MYO16: variants seen among roughly 807,000 people sequenced by gnomAD.
The protein encoded by MYO16 is myosin XVI.
In MYO16, 94 loss-of-function variants were observed where a neutral mutation model predicts 205.3. The observed-to-expected ratio is 0.46, with a 90% confidence interval of 0.39 to 0.54. The LOEUF is 0.54. MYO16 is among the 20% of genes least tolerant of loss of function. The pLI, the probability that MYO16 is intolerant of heterozygous loss-of-function variation, is 0.00. For synonymous variants in MYO16, 988 were observed against 954.0 expected (o/e 1.04, Z -0.66); for missense variants, 2,315 against 2,387.5 (o/e 0.97, Z 0.63).
chr13:109,083,550 T>G (rs1489758731), intron 27 of MYO16, among the ~76,000 whole-genome samples: 1 of 151,856 alleles, frequency 6.6e-6, no homozygotes, highest in Non-Finnish European at 1.5e-5. Flanking sequence ...TGAATGATAG[T>G]CAAGAACTTA....
At chr13:109,108,575 T>A in intron 28 of MYO16, among the ~76,000 whole-genome samples, 1 of 152,202 alleles carries the variant, frequency 6.6e-6, no homozygotes, top group East Asian at 1.9e-4. Flanking sequence ...ACCATATGAG[T>A]TCCCCCAAAT....
At chr13:108,628,332 G>A (rs568744142), upstream of MYO16, among the ~76,000 whole-genome samples, 138 of 152,240 alleles carry the variant, frequency 9.1e-4, 1 homozygote, top group African/African-American at 2.9e-3. Context: ...AAGTTAAAGC[G>A]TCCATAATCA....
the MYO16 span, among the ~76,000 whole-genome samples, chr13:108,562,426 G>A: frequency 1.3e-5 from 2 of 152,124 alleles, no homozygotes; most frequent in Admixed American, 6.5e-5. Context: ...AGAAAATGTA[G>A]GAAGAGTAGA....
chr13:108,619,145 C>G (rs1420356731), intron 1 of MYO16, among the ~76,000 whole-genome samples: 1 of 152,132 alleles, frequency 6.6e-6, no homozygotes, highest in Non-Finnish European at 1.5e-5. Context: ...CCACAACCAT[C>G]GCACTACAAC....
chr13:108,883,676 C>T (rs1879724746), intron 13 of MYO16, among the ~76,000 whole-genome samples: 1 of 151,500 alleles, frequency 6.6e-6, no homozygotes, highest in Admixed American at 6.6e-5. Context: ...GCTCTGTCAC[C>T]CAGGCTGGAA....
intron 20 of MYO16, among the ~76,000 whole-genome samples, chr13:108,973,591 G>A (rs1884136222): frequency 6.6e-6 from 1 of 152,134 alleles, no homozygotes; most frequent in African/African-American, 2.4e-5. Context: ...GAGGTGATCT[G>A]TAGAAGGTGG....
intron 33 of MYO16, chr13:109,167,297 G>A (rs1878713992): frequency 6.6e-6 from 1 of 152,112 alleles, no homozygotes; most frequent in South Asian, 2.1e-4. Context: ...CTAGCACATG[G>A]ATGAAGCCTG....
chr13:109,171,445 T>C (rs1878918543), intron 33 of MYO16, among the ~76,000 whole-genome samples: 1 of 152,252 alleles, frequency 6.6e-6, no homozygotes, highest in South Asian at 2.1e-4. Flanking sequence ...ATTTCTCTTT[T>C]GAATGCCAGT....
At chr13:108,698,725 G>A (rs1013070515) in intron 2 of MYO16, among the ~76,000 whole-genome samples, 4 of 152,170 alleles carry the variant, frequency 2.6e-5, no homozygotes, top group Non-Finnish European at 4.4e-5. Context: ...TACCACAGAA[G>A]CTTTGCTTCT....
chr13:109,141,468 G>A lies in MYO16; in HGVS notation c.5164+92G>A. ...TCCGTGTCTGCGCAGATGTGAAATA[G>A]TAAAGTTTCAGGTGATGGCCGTGGT... On this transcript the variant is annotated intron_variant, in intron 32 of 34. Transcript: ENST00000457511. The surrounding 1 kb of genome is among the most constrained non-coding windows in gnomAD (Gnocchi z 4.1). 2 of 930,082 alleles carry A rather than the reference G, an allele frequency of 2.2e-6. No homozygotes were observed. The highest frequency in any genetic ancestry group is 3.0e-6 in the Non-Finnish European group (2 of 674,904). 57.6% of individuals were successfully genotyped at this position (930,082 alleles called of 1,614,324 possible). A position where few individuals can be genotyped will look rare whatever the true frequency, so the allele number is the denominator to read the frequency against.
intron 1 of MYO16, among the ~76,000 whole-genome samples, chr13:108,630,166 A>T (rs1879913798): frequency 6.6e-6 from 1 of 152,038 alleles, no homozygotes; most frequent in Non-Finnish European, 1.5e-5. Context: ...CACCAGAAAC[A>T]CATGGAAAGA....
chr13:109,094,259 G>A (rs1425660927), intron 27 of MYO16, among the ~76,000 whole-genome samples: 1 of 152,176 alleles, frequency 6.6e-6, no homozygotes, highest in Non-Finnish European at 1.5e-5. Context: ...CATCCAGGCT[G>A]GAGTACAATG....
intron 2 of MYO16, among the ~76,000 whole-genome samples, chr13:108,671,539 A>T (rs1881988853): frequency 6.6e-6 from 1 of 152,222 alleles, no homozygotes; most frequent in Non-Finnish European, 1.5e-5. Flanking sequence ...CAAATGATGA[A>T]GAAATAGTTG....
At chr13:109,174,626 T>C (rs1408915309) in intron 33 of MYO16, among the ~76,000 whole-genome samples, 3 of 152,134 alleles carry the variant, frequency 2.0e-5, no homozygotes, top group Non-Finnish European at 4.4e-5. Flanking sequence ...CCTCTTGCCA[T>C]TGACTAAACA....
chr13:109,120,582 C>G, intron 29 of MYO16, 116 bp downstream of exon 29: 1 of 629,312 alleles, frequency 1.6e-6, no homozygotes. Context: ...ACCACTCTCT[C>G]GATTCCTGGA....
At chr13:109,113,270 C>A (rs933366994) in intron 28 of MYO16, among the ~76,000 whole-genome samples, 5 of 150,624 alleles carry the variant, frequency 3.3e-5, no homozygotes, top group African/African-American at 9.8e-5. Context: ...AGTGTTCTTA[C>A]CGCAAATTTT....
chr13:108,888,522 C>T (rs1361756361), intron 14 of MYO16, 45 bp downstream of exon 14: 15 of 1,381,940 alleles, frequency 1.1e-5, no homozygotes, highest in Non-Finnish European at 1.4e-5. Flanking sequence ...TGAAGATGTT[C>T]AGCCAGTTGT....
the MYO16 span, among the ~76,000 whole-genome samples, chr13:108,586,955 A>G: frequency 2.6e-5 from 4 of 152,206 alleles, no homozygotes; most frequent in African/African-American, 9.6e-5. Flanking sequence ...TTGTTACCAA[A>G]AACACCAGCG....
At chr13:109,135,017 A>C (rs957384926) in intron 31 of MYO16, among the ~76,000 whole-genome samples, 3 of 152,182 alleles carry the variant, frequency 2.0e-5, no homozygotes, top group Non-Finnish European at 2.9e-5. Flanking sequence ...CGTCTAAACC[A>C]GATCCACATG....
Sources: allele counts gnomAD v4.1 joint callset (sites outside exome capture counted in the v4.1 genomes callset), GRCh38; gene constraint gnomAD v4.1.1; non-coding constraint Gnocchi (gnomAD v3.1); transcripts MANE v1.5; gene names NCBI Gene and HGNC (gene_info 2026-07-23, HGNC 2026-07-21).